Variants in ZNF521 observed in about 807,000 individuals in gnomAD.
ZNF521 encodes LYST-interacting protein 3.
In ZNF521, 14 loss-of-function variants were observed where a neutral mutation model predicts 105.5. The observed-to-expected ratio is 0.13, with a 90% confidence interval of 0.09 to 0.21. ZNF521 has a LOEUF of 0.21. Among genes scored for constraint, ZNF521 ranks in the 10% least tolerant of loss-of-function variants. The pLI is 1.00. For synonymous variants in ZNF521, 635 were observed against 606.0 expected, an observed-to-expected ratio of 1.05 and a Z score of -0.70; for missense variants, 1,233 against 1,629.7, an observed-to-expected ratio of 0.76 and a Z score of 4.19.
chr18:25,093,187 C>G (rs976738918), intron 5 of ZNF521, among the ~76,000 whole-genome samples: 2 of 152,142 alleles, frequency 1.3e-5, no homozygotes, highest in African/African-American at 4.8e-5. Flanking sequence ...AGAGCCAGAA[C>G]TTGAACGCAG....
At chr18:25,172,790 CCTTA>C (rs2035470686) in intron 5 of ZNF521, among the ~76,000 whole-genome samples, 1 of 152,144 alleles carries the variant, frequency 6.6e-6, no homozygotes, top group South Asian at 2.1e-4. Flanking sequence ...CTAAATCTTC[CCTTA>C]AAGTCTCAGC....
intron 7 of ZNF521, among the ~76,000 whole-genome samples, chr18:25,066,883 C>T (rs1249981575): frequency 6.6e-6 from 1 of 152,172 alleles, no homozygotes; most frequent in Non-Finnish European, 1.5e-5. Flanking sequence ...GTAATCTCAC[C>T]AATTTTACAC....
chr18:25,316,258 G>A (rs1429429228), intron 3 of ZNF521, among the ~76,000 whole-genome samples: 4 of 149,428 alleles, frequency 2.7e-5, no homozygotes, highest in East Asian at 2.0e-4. Flanking sequence ...AGAAAGGACC[G>A]GAATGAGAGG....
chr18:25,148,788 T>C (rs928400074), intron 5 of ZNF521, among the ~76,000 whole-genome samples: 5 of 152,126 alleles, frequency 3.3e-5, no homozygotes, highest in African/African-American at 1.2e-4. Flanking sequence ...CAAGGAGAGA[T>C]TGGGAAGACA....
intron 4 of ZNF521, among the ~76,000 whole-genome samples, chr18:25,204,284 A>C (rs757035968): frequency 7.9e-5 from 12 of 152,236 alleles, no homozygotes; most frequent in South Asian, 4.1e-4. Context: ...TAATTGAGTA[A>C]AAAAGTTGAG....
At chr18:25,337,433 G>A (rs1262743154) in intron 2 of ZNF521, among the ~76,000 whole-genome samples, 2 of 152,122 alleles carry the variant, frequency 1.3e-5, no homozygotes, top group African/African-American at 4.8e-5. Flanking sequence ...TTAATAATAT[G>A]AGCTGCTCTT....
intron 5 of ZNF521, among the ~76,000 whole-genome samples, chr18:25,189,377 T>G (rs752324586): frequency 3.3e-5 from 5 of 152,232 alleles, no homozygotes; most frequent in Admixed American, 3.3e-4. Flanking sequence ...GTCTGCTTCA[T>G]TGGTACCATG....
intron 6 of ZNF521, among the ~76,000 whole-genome samples, chr18:25,091,201 C>T (rs1770779540): frequency 6.6e-6 from 1 of 152,190 alleles, no homozygotes; most frequent in Admixed American, 6.5e-5. Flanking sequence ...GGCTTAACCA[C>T]TGAGTCCAAA....
At chr18:25,074,588 T>C (rs61516660) in intron 7 of ZNF521, among the ~76,000 whole-genome samples, 2,801 of 152,264 alleles carry the variant, frequency 0.018, 84 homozygotes, top group African/African-American at 0.063. Context: ...GTTGGGTGCA[T>C]TTCCTATTCT....
Position 25,226,935 on chromosome 18 carries a change from T to C in ZNF521, c.983A>G (p.His328Arg). The C allele has an allele frequency of 6.2e-7, 1 of 1,614,008 alleles. No individual in the cohort carries two copies. The highest frequency in any genetic ancestry group is 1.1e-5 in the South Asian group (1 of 91,066). ...SFHTVEELYSHMDSHQQPESC... is the reference protein window; with the variant it reads ...SFHTVEELYSRMDSHQQPESC... ...CTCCGGTTGCTGGTGACTGTCCATG[T>C]GGCTGTACAGTTCCTCAACTGTGTG... The change falls in exon 4 of 8, where the codon CAC (histidine) becomes CGC (arginine). Residue 328 changes from histidine (H) to arginine (R), a missense_variant. Physicochemically the swap from His to Arg is conservative, Grantham distance 29 (BLOSUM62 0). Coordinates refer to ENST00000361524, the MANE Select transcript of ZNF521 (RefSeq NM_015461.3). The surrounding 1 kb of genome is among the most constrained non-coding windows in gnomAD (Gnocchi z 4.1).
intron 6 of ZNF521, among the ~76,000 whole-genome samples, chr18:25,089,788 C>G (rs1469307107): frequency 6.6e-6 from 1 of 152,088 alleles, no homozygotes; most frequent in African/African-American, 2.4e-5. Flanking sequence ...CCTAATTCAA[C>G]CCAAACAGCT....
chr18:25,120,843 C>T (rs989068220), intron 5 of ZNF521, among the ~76,000 whole-genome samples: 1 of 152,094 alleles, frequency 6.6e-6, no homozygotes, highest in Non-Finnish European at 1.5e-5. Context: ...ACTTTTGAAG[C>T]AGTCTTTTCT....
At position 25,093,059 on chromosome 18, in the gene ZNF521, T is replaced by C. The variant is rs544017038; in HGVS notation, c.3659-978A>G. On this transcript the variant is annotated intron_variant, in intron 5 of 7. Transcript: ENST00000361524. ...GAACTGCTCAGAGACACAAATTCAT[T>C]TAATTGCACTAAAACCCTATGAGAA... Among the ~76,000 whole-genome samples the C allele has an allele frequency of 3.8e-4, 58 of 152,308 alleles. 1 individual carries two copies. In the South Asian group the frequency reaches 0.012, roughly 31 times the overall value.
rs574755325 is a variant in ZNF521 at position 25,209,945 on chromosome 18, A to C, written c.3573+14400T>G. Among the ~76,000 whole-genome samples, 4 of 152,244 alleles carry C rather than the reference A, an allele frequency of 2.6e-5. No homozygotes were observed. The South Asian group carries it at 8.3e-4, about 32-fold the overall frequency. Reference sequence around the variant, plus strand: ...TTTAAGACTAAACTATGTTTTTTCCACTTCATCAACTTTGTGGAAATATGA... The same window carrying C: ...TTTAAGACTAAACTATGTTTTTTCCCCTTCATCAACTTTGTGGAAATATGA... On this transcript the variant is annotated intron_variant, in intron 4 of 7. Transcript: ENST00000361524.
At chr18:25,218,842 C>A (rs1905510059) in intron 4 of ZNF521, among the ~76,000 whole-genome samples, 1 of 152,026 alleles carries the variant, frequency 6.6e-6, no homozygotes, top group Non-Finnish European at 1.5e-5. Flanking sequence ...GAGTGACACT[C>A]CATCTCAAAA....
rs1277888194 is a variant in ZNF521 at position 25,227,226 on chromosome 18, G to C, written c.692C>G (p.Ser231Cys). Residue 231 changes from serine to cysteine, a missense_variant, in exon 4 of 8, where the codon TCT (serine) becomes TGT (cysteine). Ser to Cys is a moderately radical substitution (Grantham distance 112). This residue lies in a region of ZNF521 where 380 missense variants were observed against 478.0 expected (regional missense o/e 0.80). Coordinates refer to ENST00000361524, the MANE Select transcript of ZNF521 (RefSeq NM_015461.3). The surrounding 1 kb of genome is among the most constrained non-coding windows in gnomAD (Gnocchi z 5.7). ...GTCCTCCATCCTGGAACCGGACTGAGAGCCGTCCTTGTTCCTCTCATGAAC... is the reference window on the plus strand; with the variant it reads ...GTCCTCCATCCTGGAACCGGACTGACAGCCGTCCTTGTTCCTCTCATGAAC... The part of the protein sequence containing the change: ...MQVHERNKDG[S>C]QSGSRMEDWK... 2 of 1,614,066 alleles carry C rather than the reference G, an allele frequency of 1.2e-6. No individual in the cohort carries two copies. The highest frequency in any genetic ancestry group is 2.7e-5 in the African/African-American group (2 of 74,938).
intron 3 of ZNF521, among the ~76,000 whole-genome samples, chr18:25,281,245 C>G (rs116807252): frequency 0.021 from 3,246 of 152,296 alleles, 118 homozygotes; most frequent in African/African-American, 0.072. Flanking sequence ...GAAGCAATCT[C>G]AAACACACGT....
At chr18:25,067,956 C>T (rs113875342) in intron 7 of ZNF521, among the ~76,000 whole-genome samples, 1,810 of 152,258 alleles carry the variant, frequency 0.012, 25 homozygotes, top group Middle Eastern at 0.027. Flanking sequence ...TTTACCATGA[C>T]TTGTTTATTT....
intron 2 of ZNF521, among the ~76,000 whole-genome samples, chr18:25,349,708 A>T (rs573326448): frequency 1.2e-4 from 18 of 151,570 alleles, no homozygotes; most frequent in Middle Eastern, 3.4e-3. Context: ...GCGGCCCGGC[A>T]GCCAGGAGGA....
Sources: allele counts gnomAD v4.1 joint callset (sites outside exome capture counted in the v4.1 genomes callset), GRCh38; gene constraint gnomAD v4.1.1; regional missense constraint gnomAD v4.1.1; non-coding constraint Gnocchi (gnomAD v3.1); transcripts MANE v1.5; gene names NCBI Gene and HGNC (gene_info 2026-07-23, HGNC 2026-07-21).